The following ADCY1 variants were observed in gnomAD, a reference collection of about 807,000 sequenced individuals.
The protein encoded by ADCY1 is adenylate cyclase type 1.
In ADCY1, 28 loss-of-function variants were observed where a neutral mutation model predicts 105.4. The ratio of observed to expected loss-of-function variants is 0.27; its 90% CI spans 0.20 to 0.36. The LOEUF is 0.36. Among genes scored for constraint, ADCY1 ranks in the 10% least tolerant of loss-of-function variants. The pLI, the probability that ADCY1 is intolerant of heterozygous loss-of-function variation, is 1.00. For missense variants in ADCY1, 977 were observed against 1,434.2 expected (o/e 0.68, Z 5.15); for synonymous variants, 655 against 623.8 (o/e 1.05, Z -0.75).
chr7:45,677,097 T>A (rs978413619), intron 8 of ADCY1, among the ~76,000 whole-genome samples: 3 of 152,132 alleles, frequency 2.0e-5, no homozygotes, highest in African/African-American at 7.2e-5. Context: ...AGTTGCAAGG[T>A]CCCTGCGATC....
intron 1 of ADCY1, among the ~76,000 whole-genome samples, chr7:45,587,692 A>G (rs1275254831): frequency 6.6e-6 from 1 of 152,138 alleles, no homozygotes; most frequent in Non-Finnish European, 1.5e-5. Flanking sequence ...TCTAGTGACC[A>G]CGAGTGGTGT....
At chr7:45,683,594 A>T (rs1024446661) in intron 11 of ADCY1, among the ~76,000 whole-genome samples, 2 of 152,122 alleles carry the variant, frequency 1.3e-5, no homozygotes, top group Non-Finnish European at 2.9e-5. Flanking sequence ...CATTGGGGCC[A>T]TTTTGTCGTG....
intron 3 of ADCY1, among the ~76,000 whole-genome samples, chr7:45,611,802 G>T (rs998565189): frequency 6.6e-6 from 1 of 152,182 alleles, no homozygotes; most frequent in Non-Finnish European, 1.5e-5. Context: ...AGGAGATGGT[G>T]TTTGAGGGAC....
At position 45,647,745 on chromosome 7, in the gene ADCY1, C is replaced by T. The variant is rs994784803; in HGVS notation, c.1021-925C>T. 2.0e-5 allele frequency among the ~76,000 whole-genome samples: 3 copies of T among 152,096 alleles called. No individual in the cohort carries two copies. The highest frequency in any genetic ancestry group is 7.2e-5 in the African/African-American group (3 of 41,414). On this transcript the variant is annotated intron_variant, in intron 4 of 19. Coordinates refer to ENST00000297323, the MANE Select transcript of ADCY1 (RefSeq NM_021116.4). This position sits in a 1 kb window ranked among gnomAD's most constrained non-coding sequence, Gnocchi z 4.6. ...CATTGTCTTTTGTTTGGGGAAATGT[C>T]GTGATTTTTCATAAAATGTTATTTA...
upstream of ADCY1, chr7:45,574,283 C>A: frequency 1.2e-5 from 4 of 337,918 alleles, no homozygotes; most frequent in Non-Finnish European, 1.7e-5. This position sits in a 1 kb window ranked among gnomAD's most constrained non-coding sequence, Gnocchi z 7.0. Context: ...GCTCCCGGGG[C>A]TCGGCTGTCG....
intron 17 of ADCY1, among the ~76,000 whole-genome samples, chr7:45,706,334 A>G (rs964417438): frequency 6.6e-6 from 1 of 152,150 alleles, no homozygotes; most frequent in African/African-American, 2.4e-5. Context: ...GGTATTGGCA[A>G]AAGAATAGGC....
chr7:45,651,522 G>A (rs1794811766), intron 5 of ADCY1, among the ~76,000 whole-genome samples: 1 of 152,204 alleles, frequency 6.6e-6, no homozygotes, highest in Non-Finnish European at 1.5e-5. Context: ...AAAGTTTCAG[G>A]TGAACAGGTG....
At chr7:45,611,779 A>G (rs74985395) in intron 3 of ADCY1, among the ~76,000 whole-genome samples, 1,758 of 152,250 alleles carry the variant, frequency 0.012, 45 homozygotes, top group African/African-American at 0.041. Context: ...CTTTACATAA[A>G]TATCACTCAG....
intron 19 of ADCY1, 92 bp from the exon 20 acceptor site, chr7:45,713,601 C>T (rs1194660991): frequency 4.3e-6 from 3 of 694,438 alleles, no homozygotes; most frequent in Non-Finnish European, 8.0e-6. Context: ...TCAGGGTGGA[C>T]AGCAACAGAT....
intron 8 of ADCY1, among the ~76,000 whole-genome samples, chr7:45,673,095 T>C (rs1198468858): frequency 6.6e-6 from 1 of 152,202 alleles, no homozygotes; most frequent in Admixed American, 6.5e-5. Flanking sequence ...GTGGGTTACA[T>C]TGATGTTCAA....
At chr7:45,640,922 G>T (rs1383702863) in intron 4 of ADCY1, among the ~76,000 whole-genome samples, 1 of 152,146 alleles carries the variant, frequency 6.6e-6, no homozygotes, top group African/African-American at 2.4e-5. Flanking sequence ...TGCTTGTGGG[G>T]TCCTGCATAC....
chr7:45,621,582 C>T (rs879377799), intron 3 of ADCY1, among the ~76,000 whole-genome samples: 22 of 152,290 alleles, frequency 1.4e-4, no homozygotes, highest in Non-Finnish European at 2.9e-4. Flanking sequence ...ACATGCGGAA[C>T]GGTTGGATAA....
chr7:45,691,477 C>T (rs1306881477), intron 14 of ADCY1, among the ~76,000 whole-genome samples: 5 of 152,190 alleles, frequency 3.3e-5, no homozygotes, highest in African/African-American at 9.7e-5. Context: ...ATTGCCAGGC[C>T]AAACACTAGG....
intron 1 of ADCY1, among the ~76,000 whole-genome samples, chr7:45,576,206 AG>A (rs1792340770): frequency 6.6e-6 from 1 of 152,146 alleles, no homozygotes; most frequent in African/African-American, 2.4e-5. Context: ...AAGGGGTCGG[AG>A]GGGAAGCTGA....
chr7:45,622,974 G>A (rs1381969827), intron 4 of ADCY1, among the ~76,000 whole-genome samples: 4 of 152,240 alleles, frequency 2.6e-5, no homozygotes, highest in African/African-American at 9.6e-5. Flanking sequence ...AGCATGGCCA[G>A]CATGCTGTCG....
chr7:45,632,786 T>C (rs1429866819), intron 4 of ADCY1, among the ~76,000 whole-genome samples: 1 of 152,096 alleles, frequency 6.6e-6, no homozygotes, highest in East Asian at 1.9e-4. Context: ...CCCAGGCTGG[T>C]CTCAAACTCC....
At chr7:45,630,716 T>G (rs1794222223) in intron 4 of ADCY1, among the ~76,000 whole-genome samples, 1 of 152,234 alleles carries the variant, frequency 6.6e-6, no homozygotes, top group East Asian at 1.9e-4. Context: ...CTCATTTTTA[T>G]AAGGATACAG....
chr7:45,707,668 T>C (rs1429123193), intron 17 of ADCY1, among the ~76,000 whole-genome samples: 1 of 152,152 alleles, frequency 6.6e-6, no homozygotes, highest in East Asian at 1.9e-4. Flanking sequence ...ATTATGTACT[T>C]TGGTTAATAA....
intron 8 of ADCY1, among the ~76,000 whole-genome samples, chr7:45,669,627 C>G (rs1235013184): frequency 2.0e-5 from 3 of 152,122 alleles, no homozygotes; most frequent in Non-Finnish European, 4.4e-5. Flanking sequence ...GTGGAGAGTT[C>G]TGCGTATTTT....
Sources: allele counts gnomAD v4.1 joint callset (sites outside exome capture counted in the v4.1 genomes callset), GRCh38; gene constraint gnomAD v4.1.1; non-coding constraint Gnocchi (gnomAD v3.1); transcripts MANE v1.5; gene names NCBI Gene and HGNC (gene_info 2026-07-23, HGNC 2026-07-21).